PEX1: variants seen among roughly 807,000 people sequenced by gnomAD.
PEX1 encodes the protein peroxisomal ATPase PEX1.
Under a neutral mutation model 152.5 loss-of-function variants are expected in PEX1, and 97 were observed. The ratio of observed to expected loss-of-function variants is 0.64; its 90% CI spans 0.54 to 0.75. The LOEUF is 0.75. Ranked by LOEUF, PEX1 falls within the 30% of genes least tolerant of loss-of-function variation. The probability of loss-of-function intolerance (pLI) is 0.00; values close to 1 mark genes in which losing one functional copy is unlikely to be tolerated. For missense variants in PEX1, 1,357 were observed against 1,516.3 expected (o/e 0.89, Z 1.74); for synonymous variants, 485 against 531.6 (o/e 0.91, Z 1.21).
At chr7:92,524,657 T>C (rs1323858652) in intron 1 of PEX1, among the ~76,000 whole-genome samples, 1 of 152,242 alleles carries the variant, frequency 6.6e-6, no homozygotes, top group African/African-American at 2.4e-5. Context: ...GTTATTACAA[T>C]TTTATATTTA....
intron 6 of PEX1, among the ~76,000 whole-genome samples, chr7:92,513,003 T>C (rs944200558): frequency 1.3e-5 from 2 of 152,150 alleles, no homozygotes; most frequent in African/African-American, 2.4e-5. Context: ...GAGTAAAAAG[T>C]AAAACAGTCT....
rs915611187 is a variant in PEX1 at position 92,511,122 on chromosome 7, A to C, written c.1484-75T>G. ...AAATAATTTAAGATTTTAAATGTCA[A>C]ATTTATTTAAGTTAAAGACTTTTTT... On this transcript the variant is annotated intron_variant, in intron 7 of 23. Transcript: ENST00000248633. 3 of 801,184 alleles carry C rather than the reference A, an allele frequency of 3.7e-6. No homozygotes were observed. The African/African-American group carries it at 5.3e-5, about 14-fold the overall frequency. 49.6% of individuals were successfully genotyped at this position (801,184 alleles called of 1,614,324 possible). A position where few individuals can be genotyped will look rare whatever the true frequency, so the allele number is the denominator to read the frequency against.
At chr7:92,516,055 A>AGAGAAGAGAAGAGAAAAAAG (rs1321793051) in intron 5 of PEX1, among the ~76,000 whole-genome samples, 127 of 85,750 alleles carry the variant, frequency 1.5e-3, no homozygotes, top group Middle Eastern at 0.011. Context: ...AGAGAAGAGA[A>AGAGAAGAGAAGAGAAAAAAG]AAAAGAAAAG....
At chr7:92,490,890 CTT>C (rs1410649771) in intron 21 of PEX1, among the ~76,000 whole-genome samples, 1 of 152,178 alleles carries the variant, frequency 6.6e-6, no homozygotes, top group Non-Finnish European at 1.5e-5. Flanking sequence ...ACAGATAACA[CTT>C]TGTTTTCAGG....
In PEX1 at chr7:92,491,486, G is replaced by C. The variant is rs771494018; in HGVS notation, c.3224C>G (p.Ser1075Cys). The change falls in exon 21 of 24, where the codon TCT (serine) becomes TGT (cysteine). Residue 1075 changes from serine to cysteine, a missense_variant. Physicochemically the swap from Ser to Cys is moderately radical, Grantham distance 112. Transcript: ENST00000248633. ...TGAAGACAGACTTAGGTCACTATCAGAGCTGGAACTTCCATCCTAAAATAC... is the reference window on the plus strand; with the variant it reads ...TGAAGACAGACTTAGGTCACTATCACAGCTGGAACTTCCATCCTAAAATAC... ...SSGLQDGSSS[S>C]DSDLSLSSMV... 2.5e-6 allele frequency: 4 copies of C among 1,608,506 alleles called. No homozygotes were observed. In the African/African-American group the frequency reaches 4.0e-5, roughly 16 times the overall value.
rs763167583 is a variant in PEX1 at position 92,517,345 on chromosome 7, T to C, written c.1170A>G (p.Gly390=). Residue 390 remains glycine, a synonymous_variant, in exon 5 of 24, where the codon GGA becomes GGG. Coordinates refer to ENST00000248633, the MANE Select transcript of PEX1 (RefSeq NM_000466.3). ...KACVLQVVWN[G]LEELNNAIKY... is the part of the protein sequence containing the mutation. ...TGATGGCATTGTTCAATTCTTCAAG[T>C]CCATTCCAGACTACTTGTAGCACAC... 6.2e-7 allele frequency: 1 copy of C among 1,613,662 alleles called. No individual in the cohort carries two copies. The highest frequency in any genetic ancestry group is 8.5e-7 in the Non-Finnish European group (1 of 1,179,738).
chr7:92,522,120 T>A lies in PEX1; in HGVS notation c.255A>T (p.Gly85=). The A allele has an allele frequency of 6.2e-7, 1 of 1,614,070 alleles. No homozygotes were observed. Among genetic ancestry groups the A allele is most frequent in the East Asian group, 2.2e-5 (1 of 44,866 alleles). ...EINRQVGQKL[G]LSNGGQVFLK... Reference sequence around the variant, plus strand: ...TGCTTACCTGTCCCCCATTTGAGAGTCCAAGTTTTTGACCAACTTGTCTGT... The same window carrying A: ...TGCTTACCTGTCCCCCATTTGAGAGACCAAGTTTTTGACCAACTTGTCTGT... Residue 85 remains glycine (G), a synonymous_variant, in exon 2 of 24, where the codon GGA becomes GGT. Transcript: ENST00000248633.
chr7:92,499,942 T>A, intron 15 of PEX1, 104 bp from the exon 16 acceptor site: 1 of 834,814 alleles, frequency 1.2e-6, no homozygotes, highest in East Asian at 2.6e-5. Context: ...CAGATGGTAA[T>A]CACGACCATC....
At chr7:92,496,913 T>C in intron 16 of PEX1, 136 bp from the exon 17 acceptor site, 1 of 679,560 alleles carries the variant, frequency 1.5e-6, no homozygotes, top group East Asian at 2.7e-5. Flanking sequence ...TTAAAATTAA[T>C]GTGTGCTAGA....
At chr7:92,494,699 A>G in intron 17 of PEX1, 70 bp from the exon 18 acceptor site, 1 of 1,181,108 alleles carries the variant, frequency 8.5e-7, no homozygotes, top group Non-Finnish European at 1.2e-6. Flanking sequence ...TCATATACAT[A>G]TATGAATGTA....
At chr7:92,509,260 C>A in intron 9 of PEX1, 69 bp downstream of exon 9, 1 of 983,156 alleles carries the variant, frequency 1.0e-6, no homozygotes, top group Non-Finnish European at 1.6e-6. Context: ...TTAATATTTA[C>A]ATTGAAAACT....
chr7:92,499,893 C>G (rs1271905128), intron 15 of PEX1, 55 bp from the exon 16 acceptor site: 1 of 1,427,326 alleles, frequency 7.0e-7, no homozygotes, highest in Non-Finnish European at 9.8e-7. Flanking sequence ...ACAGAAATGA[C>G]TAAGTAGCAG....
rs752178561 is a variant in PEX1, at chr7:92,519,110, A to C, written c.274-32T>G. The C allele has an allele frequency of 2.4e-6, 3 of 1,270,770 alleles. No homozygotes were observed. The Admixed American group carries it at 5.1e-5, about 22-fold the overall frequency. The allele number at this position is 1,270,770 out of a possible 1,614,324, so 78.7% of individuals were successfully genotyped here. A position where few individuals can be genotyped will look rare whatever the true frequency, so the allele number is the denominator to read the frequency against. On this transcript the variant is annotated intron_variant, in intron 2 of 23. Transcript: ENST00000248633. ...AAAATTAAAAATTTAAAACTACTTT[A>C]AAAAAACTTTTCTGTGTCATATATT... is the stretch of plus-strand genomic sequence containing the variant.
rs140844929 is a variant in PEX1 at position 92,495,733 on chromosome 7, C to G, written c.2783+980G>C. 5.3e-3 allele frequency among the ~76,000 whole-genome samples: 804 copies of G among 151,918 alleles called. 5 individuals are homozygous for G. The highest frequency in any genetic ancestry group is 0.018 in the African/African-American group (739 of 41,468). ...TTGTTAGAGATTTGTCAATTGTACT[C>G]GGTGTTCAAAAAATAAATCTTGGCT... On this transcript the variant is annotated intron_variant, in intron 17 of 23. Coordinates refer to ENST00000248633, the MANE Select transcript of PEX1 (RefSeq NM_000466.3).
rs766079949 is a variant in PEX1 at position 92,504,762 on chromosome 7, C to G, written c.2041G>C (p.Asp681His). 2.5e-6 allele frequency: 4 copies of G among 1,614,162 alleles called. No homozygotes were observed. Among genetic ancestry groups the G allele is most frequent in the Non-Finnish European group, 3.4e-6 (4 of 1,180,022 alleles). ...GCAAGCCGCTGGCTCTGCACCGCAT[C>G]AGGACTGTGCTCATGTTCCGGGACA... is the stretch of plus-strand genomic sequence containing the variant. Reference protein sequence around the residue: ...PAVPEHEHSPDAVQSQRLAHA... With the variant: ...PAVPEHEHSPHAVQSQRLAHA... The change falls in exon 12 of 24, where the codon GAT becomes CAT. Residue 681 changes from aspartate to histidine, a missense_variant. Transcript: ENST00000248633.
chr7:92,518,943 T>C (rs369450424), intron 3 of PEX1, 52 bp downstream of exon 3: 1 of 1,192,830 alleles, frequency 8.4e-7, no homozygotes, highest in South Asian at 1.2e-5. Context: ...GACATTGATA[T>C]TGTGAAGTAA....
At chr7:92,497,955 C>T (rs1166317783) in intron 16 of PEX1, among the ~76,000 whole-genome samples, 2 of 150,780 alleles carry the variant, frequency 1.3e-5, no homozygotes, top group African/African-American at 4.9e-5. Context: ...GTAATCCCAG[C>T]TACTCGGGAG....
rs990777565 is a variant in PEX1, at chr7:92,496,084, G to A, written c.2783+629C>T. Among the ~76,000 whole-genome samples the A allele has an allele frequency of 6.7e-4, 102 of 151,798 alleles. 1 individual carries two copies. The highest frequency in any genetic ancestry group is 1.8e-4 in the Non-Finnish European group (12 of 67,900). ...TATGCTTTTTCCTGGTAAACTCGGTGGTGAATACATGAAGTATTCATTTTA... is the reference window on the plus strand; with the variant it reads ...TATGCTTTTTCCTGGTAAACTCGGTAGTGAATACATGAAGTATTCATTTTA... On this transcript the variant is annotated intron_variant, in intron 17 of 23. Transcript: ENST00000248633.
chr7:92,520,365 T>C (rs1208015134), intron 2 of PEX1, among the ~76,000 whole-genome samples: 2 of 152,218 alleles, frequency 1.3e-5, no homozygotes, highest in East Asian at 1.9e-4. Context: ...ATTTAGAGTA[T>C]GCAAGGGACT....
Sources: gnomAD v4.1 joint callset for allele counts (sites outside exome capture counted in the v4.1 genomes callset) on GRCh38, gnomAD v4.1.1 for gene constraint, MANE v1.5 for transcripts, NCBI Gene and HGNC (gene_info 2026-07-23, HGNC 2026-07-21) for gene names.